Variants in LRCH2 observed in about 807,000 individuals in gnomAD.
The protein encoded by LRCH2 is leucine rich repeats and calponin homology domain containing 2, also known as leucine-rich repeat and calponin homology domain-containing protein 2.
LRCH2 carries 38 observed loss-of-function variants against 68.9 expected under a neutral mutation model. That is an observed-to-expected ratio of 0.55 (90% CI 0.43 to 0.72). LRCH2 has a LOEUF of 0.72. Among genes scored for constraint, LRCH2 ranks in the 30% least tolerant of loss-of-function variants. The pLI, the probability that LRCH2 is intolerant of heterozygous loss-of-function variation, is 0.00. For synonymous variants in LRCH2, 191 were observed against 208.1 expected, an observed-to-expected ratio of 0.92 and a Z score of 0.71; for missense variants, 528 against 572.9, an observed-to-expected ratio of 0.92 and a Z score of 0.80.
chrX:115,166,287 C>A lies in LRCH2; in HGVS notation c.1054G>T (p.Asp352Tyr). The change falls in exon 7 of 21, where the codon GAT (aspartate) becomes TAT (tyrosine). Residue 352 changes from aspartate to tyrosine, a missense_variant. By Grantham distance (160) the Asp-to-Tyr change is radical. Coordinates refer to ENST00000317135, the MANE Select transcript of LRCH2 (RefSeq NM_020871.4). ...NHGPDSGIGS[D>Y]NGEKRLSTTE... ...GTGGATAATCGTTTCTCTCCATTAT[C>A]ACTTCCAATTCCAGAGTCAGGGCCA... is the stretch of plus-strand genomic sequence containing the variant. The A allele has an allele frequency of 8.4e-7, 1 of 1,195,748 alleles. No homozygotes were observed. The highest frequency in any genetic ancestry group is 1.1e-6 in the Non-Finnish European group (1 of 883,504).
chrX:115,174,956 A>G (rs1416407508), intron 5 of LRCH2, among the ~76,000 whole-genome samples: 1 of 110,979 alleles, frequency 9.0e-6, no homozygotes, highest in Non-Finnish European at 1.9e-5. Context: ...GAAACTTTCA[A>G]TCCTACCTCC....
intron 1 of LRCH2, among the ~76,000 whole-genome samples, chrX:115,200,143 TG>T (rs1306953112): frequency 1.8e-5 from 2 of 111,226 alleles, no homozygotes; most frequent in African/African-American, 3.3e-5. Flanking sequence ...GCAAAAGCAG[TG>T]GTAAGAGGGA....
rs781855427 is a variant in LRCH2, at chrX:115,165,421, ATTC to A, written c.1336_1338del (p.Glu446del). On this transcript the variant is annotated inframe_deletion, in exon 10 of 21. Coordinates refer to ENST00000317135, the MANE Select transcript of LRCH2 (RefSeq NM_020871.4). ...TGTGCTTACCTTTTTTCATCTCCTA[ATTC>A]TTCATTTTTCCGAGATTTTTCAGAA... The A allele has an allele frequency of 6.4e-5, 72 of 1,128,491 alleles. No homozygotes were observed. Among genetic ancestry groups the A allele is most frequent in the Admixed American group, 2.7e-5 (1 of 36,943 alleles). The allele number at this position is 1,128,491 out of a possible 1,213,427, so 93.0% of individuals were successfully genotyped here. A position where few individuals can be genotyped will look rare whatever the true frequency, so the allele number is the denominator to read the frequency against.
At chrX:115,132,349 C>T (rs1028053107) in intron 14 of LRCH2, among the ~76,000 whole-genome samples, 2 of 111,526 alleles carry the variant, frequency 1.8e-5, no homozygotes, top group Non-Finnish European at 3.8e-5. Flanking sequence ...ATCCTTTCCC[C>T]ATTTCTTGTT....
chrX:115,192,533 C>T (rs782693566), intron 1 of LRCH2: 26 of 1,167,962 alleles, frequency 2.2e-5, no homozygotes, highest in Non-Finnish European at 2.4e-5. Flanking sequence ...CCCATGGAAA[C>T]GGGCAGCCCT....
chrX:115,124,071 T>C, intron 16 of LRCH2, 69 bp from the exon 17 acceptor site: 1 of 616,895 alleles, frequency 1.6e-6, no homozygotes, highest in Non-Finnish European at 2.3e-6. Context: ...ATAATCAAGG[T>C]GCTTATTCAC....
chrX:115,113,138 T>G lies in LRCH2; in HGVS notation c.*78A>C. On this transcript the variant is annotated 3_prime_UTR_variant, in exon 21 of 21. Coordinates refer to ENST00000317135, the MANE Select transcript of LRCH2 (RefSeq NM_020871.4). ...AAGGCAAACTATTTTTGACGGAATATTCTTATTCATGAATTTGAAATATTT... is the reference window on the plus strand; with the variant it reads ...AAGGCAAACTATTTTTGACGGAATAGTCTTATTCATGAATTTGAAATATTT... The G allele has an allele frequency of 1.0e-6, 1 of 965,478 alleles. No homozygotes were observed. Among genetic ancestry groups the G allele is most frequent in the Non-Finnish European group, 1.4e-6 (1 of 725,462 alleles). 79.6% of individuals were successfully genotyped at this position (965,478 alleles called of 1,213,427 possible).
intron 11 of LRCH2, among the ~76,000 whole-genome samples, chrX:115,162,220 T>C (rs1213741380): frequency 1.8e-5 from 2 of 111,225 alleles, no homozygotes; most frequent in Non-Finnish European, 3.8e-5. Context: ...GGCACCCAGC[T>C]AGCTGTGGGT....
At chrX:115,157,892 T>C (rs17095979) in intron 11 of LRCH2, among the ~76,000 whole-genome samples, 5,801 of 109,916 alleles carry the variant, frequency 0.053, 398 homozygotes, top group African/African-American at 0.18. Flanking sequence ...TTCATTAGCA[T>C]TGTGATTACG....
intron 1 of LRCH2, among the ~76,000 whole-genome samples, chrX:115,224,681 C>CAAA (rs782620582): frequency 3.6e-5 from 2 of 56,232 alleles, no homozygotes; most frequent in African/African-American, 1.2e-4. Flanking sequence ...GAGACTCTGT[C>CAAA]AAAAAAAAAA....
rs1556561220 is a variant in LRCH2, at chrX:115,192,367, C to T, written c.350-3997G>A. ...CATCAAGAGTTACGGCCTGAGCGAC[C>T]GCTACGGAGGAGGAGGCCACTACGA... On this transcript the variant is annotated intron_variant, in intron 1 of 20. Transcript: ENST00000317135. 1.5e-5 allele frequency: 17 copies of T among 1,158,936 alleles called. No individual in the cohort carries two copies. Among genetic ancestry groups the T allele is most frequent in the African/African-American group, 1.8e-5 (1 of 55,841 alleles).
intron 12 of LRCH2, among the ~76,000 whole-genome samples, chrX:115,151,364 T>A (rs2072430540): frequency 9.1e-6 from 1 of 109,864 alleles, no homozygotes; most frequent in Admixed American, 9.8e-5. Context: ...ACCTGATTGA[T>A]CACGTGTAAA....
intron 8 of LRCH2, 60 bp downstream of exon 8, chrX:115,165,781 G>C (rs1440167728): frequency 1.0e-6 from 1 of 976,883 alleles, no homozygotes; most frequent in African/African-American, 2.0e-5. Context: ...ATTTTTCAAA[G>C]CCCATTTTTA....
At chrX:115,164,610 T>C (rs1262616791) in intron 10 of LRCH2, among the ~76,000 whole-genome samples, 5 of 111,502 alleles carry the variant, frequency 4.5e-5, no homozygotes, top group African/African-American at 1.6e-4. Context: ...AGTTTAAAAA[T>C]CAAAGAGAGC....
At chrX:115,134,392 A>G (rs1266409433) in intron 14 of LRCH2, among the ~76,000 whole-genome samples, 1 of 112,650 alleles carries the variant, frequency 8.9e-6, no homozygotes, top group Non-Finnish European at 1.9e-5. Context: ...TATGTAGACA[A>G]AATAGCCTTC....
In LRCH2 at chrX:115,233,860, G is replaced by A; in HGVS notation, c.182C>T (p.Pro61Leu). The A allele has an allele frequency of 8.6e-7, 1 of 1,166,765 alleles. No individual in the cohort carries two copies. Among genetic ancestry groups the A allele is most frequent in the Non-Finnish European group, 1.1e-6 (1 of 872,702 alleles). The change falls in exon 1 of 21, where the codon CCC (proline) becomes CTC (leucine). Residue 61 changes from proline (P) to leucine (L), a missense_variant. Coordinates refer to ENST00000317135, the MANE Select transcript of LRCH2 (RefSeq NM_020871.4). ...CCCCGGGTTCCACGGCGGCCCGTTG[G>A]GGAACGGCTGACCGAAAAGAGTCGG... The part of the protein sequence containing the change: ...PVPTLFGQPF[P>L]NGPPWNPGSL...
intron 11 of LRCH2, among the ~76,000 whole-genome samples, chrX:115,162,793 TAAAC>T (rs2147385527): frequency 8.9e-6 from 1 of 111,877 alleles, no homozygotes; most frequent in African/African-American, 3.2e-5. Flanking sequence ...ATATTAACCA[TAAAC>T]ATTTATTATT....
intron 1 of LRCH2, among the ~76,000 whole-genome samples, chrX:115,193,626 A>G (rs1172521036): frequency 1.8e-5 from 2 of 112,112 alleles, no homozygotes; most frequent in Non-Finnish European, 3.8e-5. Flanking sequence ...TTTGAAAAAT[A>G]CTTAGGACAT....
At chrX:115,215,662 A>T (rs1432175906) in intron 1 of LRCH2, among the ~76,000 whole-genome samples, 1 of 107,956 alleles carries the variant, frequency 9.3e-6, no homozygotes, top group Non-Finnish European at 1.9e-5. Context: ...CCAGGAGGCT[A>T]AGGCAGGAGA....
Sources: allele counts gnomAD v4.1 joint callset (sites outside exome capture counted in the v4.1 genomes callset), GRCh38; gene constraint gnomAD v4.1.1; transcripts MANE v1.5; gene names NCBI Gene and HGNC (gene_info 2026-07-23, HGNC 2026-07-21).